CDH1: variants seen among roughly 807,000 people sequenced by gnomAD.
CDH1 encodes the protein cadherin 1.
Under a neutral mutation model 84.5 loss-of-function variants are expected in CDH1, and 35 were observed. That is an observed-to-expected ratio of 0.41 (90% CI 0.32 to 0.55). The LOEUF (loss-of-function observed/expected upper bound fraction) is 0.55. CDH1 is among the 20% of genes least tolerant of loss of function. The pLI is 0.19. For synonymous variants in CDH1, 417 were observed against 439.0 expected, an observed-to-expected ratio of 0.95 and a Z score of 0.63; for missense variants, 994 against 1,126.6, an observed-to-expected ratio of 0.88 and a Z score of 1.68.
chr16:68,789,322 G>A (rs542719810), intron 2 of CDH1, among the ~76,000 whole-genome samples: 2 of 152,116 alleles, frequency 1.3e-5, no homozygotes, highest in South Asian at 2.1e-4. Context: ...GTGAGCCACC[G>A]CACCTGGCCA....
chr16:68,756,815 G>T (rs1003385481), intron 2 of CDH1, among the ~76,000 whole-genome samples: 1 of 152,092 alleles, frequency 6.6e-6, no homozygotes, highest in Non-Finnish European at 1.5e-5. Context: ...ACCAGATTGG[G>T]CAACAAAGGG....
intron 2 of CDH1, among the ~76,000 whole-genome samples, chr16:68,748,418 T>C (rs1962804448): frequency 6.6e-6 from 1 of 152,210 alleles, no homozygotes; most frequent in Non-Finnish European, 1.5e-5. Context: ...TTTAAAAATG[T>C]TTAATTTTAA....
At chr16:68,828,553 T>C (rs1366318062) in intron 14 of CDH1, among the ~76,000 whole-genome samples, 1 of 152,196 alleles carries the variant, frequency 6.6e-6, no homozygotes, top group East Asian at 1.9e-4. Context: ...AGAAGCTCAG[T>C]AACTTGGCTA....
Position 68,813,308 on chromosome 16 carries a change from T to C in CDH1, c.1138-5T>C, listed in dbSNP as rs763879027. On this transcript the variant is annotated splice_region_variant and splice_polypyrimidine_tract_variant and intron_variant, in intron 8 of 15. Transcript: ENST00000261769. ...TTGTAAATGACACATCTCTTTGCTC[T>C]GCAGTACAAGGGTCAGGTGCCTGAG... The C allele has an allele frequency of 1.2e-6, 2 of 1,613,962 alleles. No individual in the cohort carries two copies. Among genetic ancestry groups the C allele is most frequent in the Admixed American group, 1.7e-5 (1 of 59,984 alleles).
chr16:68,803,631 A>G (rs558841824), intron 3 of CDH1, among the ~76,000 whole-genome samples: 3 of 152,108 alleles, frequency 2.0e-5, no homozygotes, highest in Admixed American at 2.0e-4. Context: ...CCTGACCTCA[A>G]GTGATCTGCC....
chr16:68,784,289 T>G (rs1959977406), intron 2 of CDH1, among the ~76,000 whole-genome samples: 1 of 152,162 alleles, frequency 6.6e-6, no homozygotes, highest in South Asian at 2.1e-4. Flanking sequence ...GCTGGTACAG[T>G]TCCGCCTCTG....
chr16:68,782,745 T>A (rs1178958365), intron 2 of CDH1, among the ~76,000 whole-genome samples: 2 of 151,854 alleles, frequency 1.3e-5, no homozygotes, highest in African/African-American at 2.4e-5. Context: ...CGCAAAGGAG[T>A]CAGCCCTAGA....
chr16:68,775,693 C>T (rs1404502397), intron 2 of CDH1, among the ~76,000 whole-genome samples: 1 of 152,232 alleles, frequency 6.6e-6, no homozygotes, highest in East Asian at 1.9e-4. Flanking sequence ...TAAAGCATAG[C>T]TGGCATTTCT....
intron 2 of CDH1, among the ~76,000 whole-genome samples, chr16:68,755,813 G>A (rs1963004997): frequency 6.8e-6 from 1 of 146,048 alleles, no homozygotes; most frequent in African/African-American, 2.6e-5. Context: ...GCCCAGGCTA[G>A]AGTGCAGTGG....
intron 2 of CDH1, among the ~76,000 whole-genome samples, chr16:68,752,413 C>T (rs1754610084): frequency 1.3e-5 from 2 of 152,146 alleles, no homozygotes; most frequent in African/African-American, 4.8e-5. Flanking sequence ...CTCAGGAGGC[C>T]AGGGATTTTT....
chr16:68,742,510 C>G (rs1438399643), intron 2 of CDH1: 1 of 161,616 alleles, frequency 6.2e-6, no homozygotes, highest in Non-Finnish European at 1.3e-5. Context: ...CGCGCCCGAT[C>G]TCGTCTGATC....
intron 15 of CDH1, among the ~76,000 whole-genome samples, chr16:68,832,722 A>G (rs1253945972): frequency 6.6e-6 from 1 of 152,094 alleles, no homozygotes; most frequent in Admixed American, 6.6e-5. Context: ...TGGGAGGCTG[A>G]GGCAGGAGAA....
chr16:68,768,801 T>G (rs938744427), intron 2 of CDH1, among the ~76,000 whole-genome samples: 1 of 152,240 alleles, frequency 6.6e-6, no homozygotes, highest in Non-Finnish European at 1.5e-5. Context: ...ATTATTATCT[T>G]ATATGTTGTA....
chr16:68,814,189 C>T (rs892432925), intron 9 of CDH1: 16 of 157,974 alleles, frequency 1.0e-4, no homozygotes, highest in East Asian at 1.8e-4. Flanking sequence ...GAGCCAGGAT[C>T]GTGCCACTGC....
At chr16:68,765,948 T>G (rs199527394) in intron 2 of CDH1, among the ~76,000 whole-genome samples, 21 of 152,088 alleles carry the variant, frequency 1.4e-4, no homozygotes, top group Non-Finnish European at 2.6e-4. Flanking sequence ...CGTTTAGTGT[T>G]TCACATCACC....
intron 2 of CDH1, among the ~76,000 whole-genome samples, chr16:68,790,347 A>C (rs1157209281): frequency 6.6e-6 from 1 of 152,164 alleles, no homozygotes; most frequent in South Asian, 2.1e-4. Context: ...AAGAAAAAGG[A>C]GGAAGAAAAT....
chr16:68,765,953 A>C (rs1211371575), intron 2 of CDH1, among the ~76,000 whole-genome samples: 2 of 152,046 alleles, frequency 1.3e-5, no homozygotes, highest in Non-Finnish European at 2.9e-5. Context: ...AGTGTTTCAC[A>C]TCACCCCTAC....
rs1282262419 is a variant in CDH1 at position 68,745,543 on chromosome 16, A to AT, written c.163+7132_163+7133insT. 4.2e-4 allele frequency among the ~76,000 whole-genome samples: 6 copies of AT among 14,310 alleles called. 1 individual carries two copies. Among genetic ancestry groups the AT allele is most frequent in the African/African-American group, 1.3e-3 (5 of 3,838 alleles). 9.4% of individuals were successfully genotyped at this position (14,310 alleles called of 152,430 possible). A position where few individuals can be genotyped will look rare whatever the true frequency, so the allele number is the denominator to read the frequency against. ...ATAGAGATCCTGTCTCAAAAAAAAA[A>AT]AAAAAAATATATATATATATGTATA... On this transcript the variant is annotated intron_variant, in intron 2 of 15. Transcript: ENST00000261769.
intron 1 of CDH1, 116 bp from the exon 2 acceptor site, chr16:68,738,181 G>T: frequency 1.5e-6 from 1 of 689,110 alleles, no homozygotes; most frequent in Non-Finnish European, 2.5e-6. Context: ...GCTGCGGGCT[G>T]GGGTCCTCCC....
Sources: allele counts gnomAD v4.1 joint callset (sites outside exome capture counted in the v4.1 genomes callset), GRCh38; gene constraint gnomAD v4.1.1; transcripts MANE v1.5; gene names NCBI Gene and HGNC (gene_info 2026-07-23, HGNC 2026-07-21).